The following CXCL13 variants were observed in gnomAD, a reference collection of about 807,000 sequenced individuals.
CXCL13 encodes the protein C-X-C motif chemokine 13.
In CXCL13, 7 loss-of-function variants were observed where a neutral mutation model predicts 12.2. That is an observed-to-expected ratio of 0.57 (90% CI 0.33 to 1.07). The LOEUF is 1.07. Ranked by LOEUF, CXCL13 falls within the 50% of genes least tolerant of loss-of-function variation. The probability of loss-of-function intolerance (pLI) is 0.04; values close to 1 mark genes in which losing one functional copy is unlikely to be tolerated. For synonymous variants in CXCL13, 47 were observed against 42.4 expected (o/e 1.11, Z -0.42); for missense variants, 113 against 127.4 (o/e 0.89, Z 0.55).
rs1262238905 is a variant in CXCL13 at position 77,566,342 on chromosome 4, C to T, written c.-42-39482C>T. Among the ~76,000 whole-genome samples the T allele has an allele frequency of 2.6e-5, 4 of 152,264 alleles. No individual in the cohort carries two copies. In the East Asian group the frequency reaches 7.7e-4, roughly 29 times the overall value. On this transcript the variant is annotated intron_variant, in intron 1 of 4. Transcript: ENST00000286758. ...TCAGGGGTTAAGAACATAACTGTTA[C>T]TAAAGCAAACCATTGCACAAAACTT...
At chr4:77,530,101 C>T (rs1349471884) in intron 1 of CXCL13, among the ~76,000 whole-genome samples, 1 of 152,106 alleles carries the variant, frequency 6.6e-6, no homozygotes, top group Non-Finnish European at 1.5e-5. Context: ...TATGTTGAAC[C>T]AGCCTTGCAT....
intron 1 of CXCL13, among the ~76,000 whole-genome samples, chr4:77,514,267 TG>T: frequency 6.6e-6 from 1 of 151,748 alleles, no homozygotes; most frequent in South Asian, 2.1e-4. Flanking sequence ...AATAAACATA[TG>T]TGTGCATGTG....
rs1422759268 is a variant in CXCL13, at chr4:77,525,925, T to A, written c.-43+14137T>A. Among the ~76,000 whole-genome samples the A allele has an allele frequency of 5.3e-5, 8 of 151,696 alleles. No homozygotes were observed. In the East Asian group the frequency reaches 1.4e-3, roughly 26 times the overall value. ...TTTTTTTAAATTGTGGGTTTGTTTT[T>A]TTTTTATTATTTTTGCCTTCATTTT... On this transcript the variant is annotated intron_variant, in intron 1 of 4. Coordinates refer to the CXCL13 transcript ENST00000286758.
intron 1 of CXCL13, among the ~76,000 whole-genome samples, chr4:77,542,072 T>A (rs1272608314): frequency 6.6e-6 from 1 of 152,104 alleles, no homozygotes; most frequent in African/African-American, 2.4e-5. Flanking sequence ...ATCCTGAGAT[T>A]TTACTGAGGT....
intron 1 of CXCL13, among the ~76,000 whole-genome samples, chr4:77,570,019 T>A (rs144016799): frequency 0.012 from 1,896 of 152,190 alleles, 44 homozygotes; most frequent in African/African-American, 0.042. Context: ...AAACAAGCAA[T>A]GGAAAAAGGA....
chr4:77,598,738 C>T (rs1379952349), intron 1 of CXCL13, among the ~76,000 whole-genome samples: 1 of 152,142 alleles, frequency 6.6e-6, no homozygotes, highest in Non-Finnish European at 1.5e-5. Flanking sequence ...ACACATTCTA[C>T]AGAAGGAAGG....
upstream of CXCL13, among the ~76,000 whole-genome samples, chr4:77,604,932 C>T (rs1032175508): frequency 1.1e-4 from 16 of 152,136 alleles, no homozygotes; most frequent in African/African-American, 3.6e-4. Flanking sequence ...ACTAGCCAGT[C>T]TACATACTTT....
At chr4:77,533,734 C>T (rs547912814) in intron 1 of CXCL13, among the ~76,000 whole-genome samples, 18 of 152,232 alleles carry the variant, frequency 1.2e-4, no homozygotes, top group South Asian at 4.1e-4. Flanking sequence ...TCAGCAATGG[C>T]GGGCACCCCT....
At chr4:77,518,337 G>T (rs1368981599) in intron 1 of CXCL13, among the ~76,000 whole-genome samples, 3 of 152,080 alleles carry the variant, frequency 2.0e-5, no homozygotes, top group African/African-American at 4.8e-5. Context: ...TCTGAATGTT[G>T]GCCTGCCTTG....
intron 1 of CXCL13, among the ~76,000 whole-genome samples, chr4:77,582,018 C>T (rs972370476): frequency 3.9e-5 from 6 of 152,114 alleles, no homozygotes; most frequent in Admixed American, 6.6e-5. Context: ...TTCTCACTTT[C>T]CTCAATGCTT....
At chr4:77,525,191 A>G (rs992458923) in intron 1 of CXCL13, among the ~76,000 whole-genome samples, 10 of 152,232 alleles carry the variant, frequency 6.6e-5, no homozygotes, top group Non-Finnish European at 7.3e-5. Flanking sequence ...AGCCTCCAGA[A>G]CAGTGAGCTA....
chr4:77,520,469 T>C (rs1302781272), intron 1 of CXCL13, among the ~76,000 whole-genome samples: 1 of 152,218 alleles, frequency 6.6e-6, no homozygotes, highest in Non-Finnish European at 1.5e-5. Context: ...TGTATTCTTT[T>C]TGCAGCAATT....
chr4:77,544,820 C>T (rs543762279), intron 1 of CXCL13, among the ~76,000 whole-genome samples: 65 of 152,206 alleles, frequency 4.3e-4, no homozygotes, highest in Non-Finnish European at 8.4e-4. Context: ...AAGTCCTTGT[C>T]CATGCCTATG....
chr4:77,565,858 C>T (rs1024510432), intron 1 of CXCL13, among the ~76,000 whole-genome samples: 3 of 152,134 alleles, frequency 2.0e-5, no homozygotes, highest in Non-Finnish European at 4.4e-5. Flanking sequence ...CTTAAAGAAA[C>T]TGCATTTCCC....
intron 1 of CXCL13, among the ~76,000 whole-genome samples, chr4:77,514,721 A>T (rs1724372514): frequency 6.6e-6 from 1 of 151,946 alleles, no homozygotes; most frequent in African/African-American, 2.4e-5. Context: ...TTGTCAGATG[A>T]GTAAGTTGCG....
At position 77,556,537 on chromosome 4, in the gene CXCL13, T is replaced by G. The variant is rs1159061398; in HGVS notation, c.-43+44749T>G. 2.6e-5 allele frequency among the ~76,000 whole-genome samples: 4 copies of G among 152,170 alleles called. No homozygotes were observed. The East Asian group carries it at 7.7e-4, about 29-fold the overall frequency. On this transcript the variant is annotated intron_variant, in intron 1 of 4. Coordinates refer to the CXCL13 transcript ENST00000286758. Reference sequence around the variant, plus strand: ...TTGATCGGGGTGGTAGGTGCACAAATGTATACATGTGTCAAAACTCAAACT... The same window carrying G: ...TTGATCGGGGTGGTAGGTGCACAAAGGTATACATGTGTCAAAACTCAAACT...
chr4:77,525,209 G>T (rs187731578), intron 1 of CXCL13, among the ~76,000 whole-genome samples: 1 of 152,158 alleles, frequency 6.6e-6, no homozygotes, highest in Non-Finnish European at 1.5e-5. Flanking sequence ...CTAAATTTCC[G>T]TTCATTAAAA....
At chr4:77,546,108 G>T (rs557111998) in intron 1 of CXCL13, among the ~76,000 whole-genome samples, 3 of 152,112 alleles carry the variant, frequency 2.0e-5, no homozygotes, top group Non-Finnish European at 2.9e-5. Flanking sequence ...CAACTTGATC[G>T]TGTTGGATAG....
chr4:77,521,038 G>A (rs2110080069), intron 1 of CXCL13, among the ~76,000 whole-genome samples: 1 of 152,276 alleles, frequency 6.6e-6, no homozygotes, highest in Admixed American at 6.5e-5. Context: ...TGCGTATGTT[G>A]AACCAGCCTT....
Sources: gnomAD v4.1 joint callset for allele counts (sites outside exome capture counted in the v4.1 genomes callset) on GRCh38, gnomAD v4.1.1 for gene constraint, MANE v1.5 for transcripts, NCBI Gene and HGNC (gene_info 2026-07-23, HGNC 2026-07-21) for gene names.